Variants in RTN4 observed in about 807,000 individuals in gnomAD.
RTN4 encodes the protein reticulon-4.
RTN4 carries 32 observed loss-of-function variants against 90.4 expected under a neutral mutation model. That is an observed-to-expected ratio of 0.35 (90% confidence interval 0.27 to 0.48). The LOEUF (loss-of-function observed/expected upper bound fraction) is 0.48, where lower values mean the gene tolerates loss of function less well. Ranked by LOEUF, RTN4 falls within the 20% of genes least tolerant of loss-of-function variation. The pLI is 0.99. For synonymous variants in RTN4, 629 were observed against 552.5 expected (o/e 1.14, Z -1.94); for missense variants, 1,706 against 1,430.2 (o/e 1.19, Z -3.11).
intron 2 of RTN4, among the ~76,000 whole-genome samples, chr2:55,059,632 G>A (rs1412943432): frequency 1.3e-5 from 2 of 151,962 alleles, no homozygotes; most frequent in African/African-American, 4.8e-5. Context: ...TCAGGAGTTC[G>A]AGACCAGCCT....
chr2:55,039,513 G>A (rs1182386343), intron 1 of RTN4, among the ~76,000 whole-genome samples: 1 of 152,198 alleles, frequency 6.6e-6, no homozygotes, highest in Non-Finnish European at 1.5e-5. Flanking sequence ...GTGAGGCCAG[G>A]CGCGCTCGCT....
intron 1 of RTN4, among the ~76,000 whole-genome samples, chr2:55,094,335 A>G (rs139860868): frequency 2.0e-5 from 3 of 152,308 alleles, no homozygotes; most frequent in Non-Finnish European, 4.4e-5. Context: ...TAGGAAATAC[A>G]TGTTTGTTGT....
At chr2:54,977,233 T>C (rs1051474118) in intron 5 of RTN4, among the ~76,000 whole-genome samples, 1 of 152,210 alleles carries the variant, frequency 6.6e-6, no homozygotes, top group Non-Finnish European at 1.5e-5. Context: ...GATTCATTCA[T>C]TAGTTGGTAG....
rs759435541 is a variant in RTN4, at chr2:55,050,168, C to T, written c.133G>A (p.Glu45Lys). ...TCCAGCTCCTCCAGGTCTTCGTCCT[C>T]GTCCTCCTCTTCCTCCTCCTCTTCT... ...EEEEEEEEED[E>K]DEDLEELEVL... Residue 45 changes from glutamate to lysine, a missense_variant, in exon 1 of 9, where the codon GAG (glutamate) becomes AAG (lysine). Glu to Lys is a moderately conservative substitution (Grantham distance 56). Transcript: ENST00000337526. This position sits in a 1 kb window ranked among gnomAD's most constrained non-coding sequence, Gnocchi z 4.6. The T allele has an allele frequency of 6.4e-6, 10 of 1,566,688 alleles. No homozygotes were observed. The highest frequency in any genetic ancestry group is 5.4e-5 in the Admixed American group (3 of 55,542).
chr2:55,124,268 G>A, the RTN4 span, among the ~76,000 whole-genome samples: 4 of 152,216 alleles, frequency 2.6e-5, no homozygotes, highest in South Asian at 2.1e-4. Context: ...CCAACAACCA[G>A]TTTCTCAGTC....
At chr2:55,003,908 T>C (rs1160047067) in intron 3 of RTN4, among the ~76,000 whole-genome samples, 1 of 152,046 alleles carries the variant, frequency 6.6e-6, no homozygotes, top group Non-Finnish European at 1.5e-5. Context: ...ATCCATGGTG[T>C]AGGGGGACGC....
At chr2:55,048,575 C>G (rs1667905035) in intron 1 of RTN4, among the ~76,000 whole-genome samples, 1 of 151,898 alleles carries the variant, frequency 6.6e-6, no homozygotes, top group African/African-American at 2.4e-5. Flanking sequence ...AAGATCAAGA[C>G]GTCGCTAGGC....
At chr2:55,010,153 A>C (rs1680528616) in intron 3 of RTN4, 1 of 1,612,744 alleles carries the variant, frequency 6.2e-7, no homozygotes, top group African/African-American at 1.3e-5. Flanking sequence ...AGCTCCAATT[A>C]TTAATTATGC....
At chr2:55,028,094 A>G (rs1218688293) in intron 2 of RTN4, 70 bp downstream of exon 2, 13 of 1,309,530 alleles carry the variant, frequency 9.9e-6, no homozygotes, top group Non-Finnish European at 1.3e-5. Flanking sequence ...ACTACTCTGC[A>G]TAGTGTTAAC....
At chr2:55,002,459 C>G (rs1020325805) in intron 3 of RTN4, among the ~76,000 whole-genome samples, 1 of 152,154 alleles carries the variant, frequency 6.6e-6, no homozygotes, top group African/African-American at 2.4e-5. Flanking sequence ...AAGGATAACA[C>G]GAATTTCTCT....
chr2:54,977,406 G>GTTTT, intron 5 of RTN4, among the ~76,000 whole-genome samples: 1 of 146,104 alleles, frequency 6.8e-6, no homozygotes, highest in African/African-American at 2.5e-5. Flanking sequence ...AGCTCAGGCC[G>GTTTT]TTTTTTTTTT....
chr2:55,095,081 G>C (rs1040167016), intron 1 of RTN4, among the ~76,000 whole-genome samples: 2 of 152,044 alleles, frequency 1.3e-5, no homozygotes, highest in African/African-American at 2.4e-5. Flanking sequence ...CGCAGCACTT[G>C]GAAGGCCGAG....
chr2:55,033,097 G>T (rs1016843054), intron 1 of RTN4, among the ~76,000 whole-genome samples: 10 of 149,228 alleles, frequency 6.7e-5, no homozygotes, highest in African/African-American at 2.5e-4. Context: ...ACAGAAGTTG[G>T]CATTTTGAAA....
intron 2 of RTN4, among the ~76,000 whole-genome samples, chr2:55,057,392 A>G (rs1668208469): frequency 6.6e-6 from 1 of 152,242 alleles, no homozygotes; most frequent in South Asian, 2.1e-4. Context: ...TATGGGAACC[A>G]TAGGACACAG....
At chr2:55,091,495 T>C (rs1023691547) in intron 1 of RTN4, among the ~76,000 whole-genome samples, 1 of 152,188 alleles carries the variant, frequency 6.6e-6, no homozygotes, top group African/African-American at 2.4e-5. Context: ...ACTTACTTGT[T>C]GCTTGATTAC....
chr2:55,051,254 C>A (rs1040689576), upstream of RTN4, among the ~76,000 whole-genome samples: 2 of 152,108 alleles, frequency 1.3e-5, no homozygotes, highest in Non-Finnish European at 2.9e-5. Context: ...TGGACTCTTA[C>A]ATGGTAAGAG....
chr2:55,042,566 C>T (rs1215245318), intron 1 of RTN4, among the ~76,000 whole-genome samples: 2 of 152,144 alleles, frequency 1.3e-5, no homozygotes, highest in East Asian at 3.8e-4. Flanking sequence ...CTACAGAAGA[C>T]AATTTGTGGA....
In RTN4 at chr2:55,026,855, T is replaced by C; in HGVS notation, c.1244A>G (p.Asn415Ser). The change falls in exon 3 of 9, where the codon AAC (asparagine) becomes AGC (serine). Residue 415 changes from asparagine (N) to serine (S), a missense_variant. Coordinates refer to ENST00000337526, the MANE Select transcript of RTN4 (RefSeq NM_020532.5). ...TTTTTTATCCACTTTACTTTCCAAG[T>C]TGCTCTCGATTTTACCTCCAGCAGC... ...MLAAGGKIES[N>S]LESKVDKKCF... 2 of 1,613,920 alleles carry C rather than the reference T, an allele frequency of 1.2e-6. No homozygotes were observed. The highest frequency in any genetic ancestry group is 1.3e-5 in the African/African-American group (1 of 75,008).
chr2:54,979,345 A>G (rs895628595), intron 5 of RTN4, among the ~76,000 whole-genome samples: 2 of 152,148 alleles, frequency 1.3e-5, no homozygotes, highest in Non-Finnish European at 2.9e-5. Context: ...GGCGTGAGCT[A>G]CTGTGCATGG....
Sources: allele counts gnomAD v4.1 joint callset (sites outside exome capture counted in the v4.1 genomes callset), GRCh38; gene constraint gnomAD v4.1.1; non-coding constraint Gnocchi (gnomAD v3.1); transcripts MANE v1.5; gene names NCBI Gene and HGNC (gene_info 2026-07-23, HGNC 2026-07-21).